The following RSPO2 variants were observed in gnomAD, a reference collection of about 807,000 sequenced individuals.
RSPO2 encodes the protein R-spondin 2.
RSPO2 carries 14 observed loss-of-function variants against 30.9 expected under a neutral mutation model. That is an observed-to-expected ratio of 0.45 (90% CI 0.30 to 0.71). The LOEUF is 0.71. Among genes scored for constraint, RSPO2 ranks in the 30% least tolerant of loss-of-function variants. The pLI, the probability that RSPO2 is intolerant of heterozygous loss-of-function variation, is 0.08. For synonymous variants in RSPO2, 107 were observed against 96.4 expected (o/e 1.11, Z -0.64); for missense variants, 264 against 301.9 (o/e 0.87, Z 0.93).
At chr8:107,954,012 C>T (rs907438940) in intron 5 of RSPO2, among the ~76,000 whole-genome samples, 1 of 152,194 alleles carries the variant, frequency 6.6e-6, no homozygotes, top group Non-Finnish European at 1.5e-5. Context: ...AAAAAGCTCT[C>T]TAAGGACTCT....
chr8:107,983,266 G>A (rs967017559), intron 3 of RSPO2: 3 of 1,593,938 alleles, frequency 1.9e-6, no homozygotes, highest in Non-Finnish European at 2.6e-6. Flanking sequence ...GACACAGTCT[G>A]AGCAGGCTCA....
chr8:107,937,445 T>C (rs139962071), intron 5 of RSPO2, among the ~76,000 whole-genome samples: 5 of 152,208 alleles, frequency 3.3e-5, no homozygotes, highest in African/African-American at 1.2e-4. Flanking sequence ...GCCTGCAACA[T>C]CAGTTCCATA....
intron 3 of RSPO2, among the ~76,000 whole-genome samples, chr8:107,984,842 G>C (rs889158227): frequency 6.6e-6 from 1 of 152,140 alleles, no homozygotes; most frequent in Non-Finnish European, 1.5e-5. Flanking sequence ...TATGCCAAAG[G>C]AGAAGACAGT....
At chr8:107,948,510 C>T (rs990406501) in intron 5 of RSPO2, among the ~76,000 whole-genome samples, 1 of 152,096 alleles carries the variant, frequency 6.6e-6, no homozygotes, top group African/African-American at 2.4e-5. Context: ...GAGGAAACAA[C>T]AAAAAATTGC....
intron 5 of RSPO2, among the ~76,000 whole-genome samples, chr8:107,915,729 G>A (rs561051303): frequency 6.6e-6 from 1 of 152,264 alleles, no homozygotes; most frequent in South Asian, 2.1e-4. Context: ...CAACAGGCCT[G>A]TCTTGGGACG....
At chr8:107,920,164 G>A (rs1328375867) in intron 5 of RSPO2, among the ~76,000 whole-genome samples, 1 of 151,944 alleles carries the variant, frequency 6.6e-6, no homozygotes, top group Non-Finnish European at 1.5e-5. Context: ...CAGATGTGAA[G>A]AGTTGATTCT....
At chr8:107,924,056 T>C (rs2130318637) in intron 5 of RSPO2, among the ~76,000 whole-genome samples, 1 of 150,774 alleles carries the variant, frequency 6.6e-6, no homozygotes, top group East Asian at 2.0e-4. Flanking sequence ...AGTTTACCCA[T>C]ATAACAAAGT....
intron 5 of RSPO2, among the ~76,000 whole-genome samples, chr8:107,917,046 TTTTG>T (rs1180381620): frequency 1.3e-5 from 2 of 152,194 alleles, no homozygotes; most frequent in African/African-American, 2.4e-5. Flanking sequence ...AATGAAAGGT[TTTTG>T]TTTGTTTGCC....
intron 5 of RSPO2, among the ~76,000 whole-genome samples, chr8:107,909,355 T>C (rs1161267197): frequency 6.8e-6 from 1 of 147,704 alleles, no homozygotes; most frequent in Non-Finnish European, 1.5e-5. Context: ...CTCCGCTTCC[T>C]GGCTTCAAGC....
chr8:107,911,147 T>C (rs1039732109), intron 5 of RSPO2, among the ~76,000 whole-genome samples: 9 of 152,200 alleles, frequency 5.9e-5, no homozygotes, highest in African/African-American at 2.2e-4. Flanking sequence ...GCTTTGTACA[T>C]GGTCTATGTA....
chr8:108,010,596 G>A (rs1810673729), intron 2 of RSPO2, among the ~76,000 whole-genome samples: 1 of 152,156 alleles, frequency 6.6e-6, no homozygotes, highest in Non-Finnish European at 1.5e-5. Flanking sequence ...CAGAGATGCA[G>A]AGAGCCTGGA....
chr8:108,044,840 A>G (rs1811865685), intron 2 of RSPO2, among the ~76,000 whole-genome samples: 1 of 152,096 alleles, frequency 6.6e-6, no homozygotes, highest in Admixed American at 6.6e-5. Context: ...AGCGTTCCCT[A>G]CTAAATAAAT....
At chr8:107,932,750 A>G (rs1048474683) in intron 5 of RSPO2, among the ~76,000 whole-genome samples, 5 of 152,116 alleles carry the variant, frequency 3.3e-5, no homozygotes, top group African/African-American at 1.2e-4. Context: ...AGAAAACAAC[A>G]TCATCTACTG....
At chr8:107,963,751 T>C (rs573931346) in intron 3 of RSPO2, among the ~76,000 whole-genome samples, 30 of 152,214 alleles carry the variant, frequency 2.0e-4, no homozygotes, top group African/African-American at 6.5e-4. Flanking sequence ...CAATATGTAT[T>C]TGTGACCTAC....
At chr8:107,968,583 T>C (rs996428888) in intron 3 of RSPO2, among the ~76,000 whole-genome samples, 3 of 152,034 alleles carry the variant, frequency 2.0e-5, no homozygotes, top group Non-Finnish European at 4.4e-5. Context: ...AATAGAAGAA[T>C]TGTAATGTTC....
intron 5 of RSPO2, among the ~76,000 whole-genome samples, chr8:107,956,062 A>G (rs1338980730): frequency 6.6e-6 from 1 of 152,220 alleles, no homozygotes; most frequent in East Asian, 1.9e-4. Context: ...GAGGCAAGGT[A>G]GGATACTCCC....
intron 2 of RSPO2, among the ~76,000 whole-genome samples, chr8:108,006,747 A>C (rs34820984): frequency 0.031 from 4,788 of 152,296 alleles, 108 homozygotes; most frequent in South Asian, 0.073. Flanking sequence ...TAAACACCTT[A>C]CCTGGTGTAA....
intron 2 of RSPO2, among the ~76,000 whole-genome samples, chr8:108,019,159 G>A (rs560798165): frequency 4.6e-5 from 7 of 151,762 alleles, no homozygotes; most frequent in South Asian, 2.1e-4. Context: ...AAAAAAACAC[G>A]GCCTGGCCAA....
At chr8:107,983,140 A>G in intron 3 of RSPO2, 1 of 1,490,942 alleles carries the variant, frequency 6.7e-7, no homozygotes, top group Middle Eastern at 2.4e-4. Context: ...AGGACCCCTC[A>G]ACCTGGCTCA....
Sources: allele counts gnomAD v4.1 joint callset (sites outside exome capture counted in the v4.1 genomes callset), GRCh38; gene constraint gnomAD v4.1.1; transcripts MANE v1.5; gene names NCBI Gene and HGNC (gene_info 2026-07-23, HGNC 2026-07-21).